MAOB: variants seen among roughly 807,000 people sequenced by gnomAD.
The protein encoded by MAOB is monoamine oxidase B.
A neutral mutation model predicts 41.9 loss-of-function variants in MAOB; 15 were observed. That is an observed-to-expected ratio of 0.36 (90% CI 0.24 to 0.55). MAOB has a LOEUF of 0.55. Among genes scored for constraint, MAOB ranks in the 20% least tolerant of loss-of-function variants. The pLI is 0.86. For missense variants in MAOB, 345 were observed against 398.7 expected (o/e 0.87, Z 1.15); for synonymous variants, 167 against 144.2 (o/e 1.16, Z -1.13).
chrX:43,793,703 G>T (rs1045686439), intron 7 of MAOB, 125 bp from the exon 8 acceptor site: 17 of 554,145 alleles, frequency 3.1e-5, no homozygotes, highest in Non-Finnish European at 4.5e-5. Context: ...GGATTTTGTC[G>T]AAACCTAAAG....
At position 43,781,557 on chromosome X, in the gene MAOB, C is replaced by A. The variant is rs7892217; in HGVS notation, c.929-13G>T. 17,504 of 967,729 alleles carry A rather than the reference C, an allele frequency of 0.018. 638 individuals are homozygous for A. The South Asian group carries it at 0.19, about 10-fold the overall frequency. The allele number at this position is 967,729 out of a possible 1,213,427, so 79.8% of individuals were successfully genotyped here. A position where few individuals can be genotyped will look rare whatever the true frequency, so the allele number is the denominator to read the frequency against. On this transcript the variant is annotated splice_polypyrimidine_tract_variant and intron_variant, in intron 8 of 14. Transcript: ENST00000378069. ...GTTCCACAGTAATCTTAGAGAACAG[C>A]AAAATGGAAGAGCATATTCATCACT...
At chrX:43,857,137 AGAGAGAGAGAGAGAGAGAGAGAGAG>A (rs2035300246) in intron 1 of MAOB, among the ~76,000 whole-genome samples, 1 of 52,518 alleles carries the variant, frequency 1.9e-5, no homozygotes, top group South Asian at 1.3e-3. Context: ...AGAGAGAGAG[AGAGAGAGAGAGAGAGAGAGAGAGAG>A]AGAAGAAGAG....
chrX:43,779,271 GTT>G (rs2034299851), intron 10 of MAOB, among the ~76,000 whole-genome samples: 1 of 112,072 alleles, frequency 8.9e-6, no homozygotes, highest in Non-Finnish European at 1.9e-5. Context: ...GGAAAAGACA[GTT>G]TTCAATAAAA....
In MAOB at chrX:43,767,434, G is replaced by T; in HGVS notation, c.*32C>A. The T allele has an allele frequency of 8.5e-7, 1 of 1,181,693 alleles. No homozygotes were observed. Among genetic ancestry groups the T allele is most frequent in the Non-Finnish European group, 1.1e-6 (1 of 874,153 alleles). The stretch of plus-strand genomic sequence containing the variant: ...CAAACTCATATCCCAAATACAGTAA[G>T]AAGAGAGTGTGATTACAGACACCCT... On this transcript the variant is annotated 3_prime_UTR_variant, in exon 15 of 15. Transcript: ENST00000378069.
intron 3 of MAOB, among the ~76,000 whole-genome samples, chrX:43,824,592 A>G (rs1380444096): frequency 1.8e-5 from 2 of 111,853 alleles, no homozygotes; most frequent in African/African-American, 6.5e-5. Flanking sequence ...CTGAGGCAGG[A>G]GAATTGCTTG....
chrX:43,771,240 C>T (rs60067048), intron 12 of MAOB, among the ~76,000 whole-genome samples: 2 of 111,986 alleles, frequency 1.8e-5, no homozygotes, highest in African/African-American at 6.5e-5. Flanking sequence ...CCCATACAAC[C>T]ATTCTGTCTT....
At chrX:43,871,117 C>T (rs142545972) in intron 1 of MAOB, among the ~76,000 whole-genome samples, 2 of 111,672 alleles carry the variant, frequency 1.8e-5, no homozygotes, top group African/African-American at 6.5e-5. Context: ...CTACAGTGAA[C>T]TCTCAGGCTA....
chrX:43,864,673 G>T (rs2035354176), intron 1 of MAOB, among the ~76,000 whole-genome samples: 1 of 111,635 alleles, frequency 9.0e-6, no homozygotes, highest in South Asian at 3.8e-4. Flanking sequence ...GCTTTTAAAG[G>T]ACGGGAAGGG....
chrX:43,778,614 C>T (rs1422708962), intron 11 of MAOB, 68 bp downstream of exon 11: 2 of 898,516 alleles, frequency 2.2e-6, no homozygotes, highest in Admixed American at 5.6e-5. Context: ...ATTAACCTAT[C>T]CCTGCTAGTC....
chrX:43,840,167 C>A (rs1402268948), intron 2 of MAOB, among the ~76,000 whole-genome samples: 2 of 112,017 alleles, frequency 1.8e-5, no homozygotes, highest in East Asian at 5.6e-4. Flanking sequence ...ATAACTAGGT[C>A]AGGCGGTGTA....
chrX:43,854,571 A>C (rs1008550397), intron 1 of MAOB, among the ~76,000 whole-genome samples: 2 of 111,733 alleles, frequency 1.8e-5, no homozygotes, highest in Non-Finnish European at 3.8e-5. Flanking sequence ...TGCAGGGCTT[A>C]AAACCTAGAT....
chrX:43,861,856 C>CGTGTGTGTGTGT (rs112289658), intron 1 of MAOB, among the ~76,000 whole-genome samples: 38 of 103,176 alleles, frequency 3.7e-4, no homozygotes, highest in African/African-American at 1.3e-3. Flanking sequence ...CCAGCTGAAA[C>CGTGTGTGTGTGT]GTGTGTGTGT....
intron 1 of MAOB, among the ~76,000 whole-genome samples, chrX:43,859,526 T>C (rs910922063): frequency 8.9e-6 from 1 of 111,742 alleles, no homozygotes; most frequent in Non-Finnish European, 1.9e-5. Context: ...CTCATTTTTA[T>C]GGAGAAAGTA....
intron 1 of MAOB, chrX:43,850,234 A>T (rs2035241421): frequency 2.5e-5 from 10 of 392,476 alleles, no homozygotes; most frequent in Non-Finnish European, 3.2e-5. Flanking sequence ...ACATACAGAG[A>T]TCCATGTTGC....
chrX:43,774,137 C>T (rs905517221), intron 12 of MAOB, among the ~76,000 whole-genome samples: 9 of 111,867 alleles, frequency 8.0e-5, no homozygotes, highest in Non-Finnish European at 1.3e-4. Context: ...CCACTTACCC[C>T]CTCTGTTTGC....
intron 3 of MAOB, among the ~76,000 whole-genome samples, chrX:43,810,963 A>G (rs1035971006): frequency 8.9e-6 from 1 of 112,277 alleles, no homozygotes; most frequent in African/African-American, 3.2e-5. Context: ...TCTCCTCTGG[A>G]TGAATTCCTA....
chrX:43,827,175 A>C (rs889484311), intron 3 of MAOB, among the ~76,000 whole-genome samples: 3 of 111,952 alleles, frequency 2.7e-5, no homozygotes, highest in African/African-American at 3.2e-5. Flanking sequence ...TGTTTTGGTT[A>C]CCAATGGCTG....
intron 7 of MAOB, among the ~76,000 whole-genome samples, chrX:43,794,108 C>G (rs1034280174): frequency 3.6e-5 from 4 of 111,848 alleles, no homozygotes; most frequent in African/African-American, 1.3e-4. Context: ...ATCTTTCGAC[C>G]TTGTGATCTG....
At chrX:43,868,887 G>C in intron 1 of MAOB, among the ~76,000 whole-genome samples, 1 of 110,829 alleles carries the variant, frequency 9.0e-6, no homozygotes, top group East Asian at 2.8e-4. Flanking sequence ...GTGTGTGAAT[G>C]TGTTGAACTG....
Sources: allele counts gnomAD v4.1 joint callset (sites outside exome capture counted in the v4.1 genomes callset), GRCh38; gene constraint gnomAD v4.1.1; transcripts MANE v1.5; gene names NCBI Gene and HGNC (gene_info 2026-07-23, HGNC 2026-07-21).